Variants in ARHGEF1 observed in about 807,000 individuals in gnomAD.
ARHGEF1 encodes Rho guanine nucleotide exchange factor 1, also known as 115 kDa guanine nucleotide exchange factor.
A neutral mutation model predicts 119.7 loss-of-function variants in ARHGEF1; 40 were observed. The ratio of observed to expected loss-of-function variants is 0.33; its 90% CI spans 0.26 to 0.44. The LOEUF is 0.44. Among genes scored for constraint, ARHGEF1 ranks in the 20% least tolerant of loss-of-function variants. ARHGEF1 has a pLI of 1.00. For missense variants in ARHGEF1, 976 were observed against 1,268.3 expected, an observed-to-expected ratio of 0.77 and a Z score of 3.50; for synonymous variants, 494 against 521.0, an observed-to-expected ratio of 0.95 and a Z score of 0.71.
downstream of ARHGEF1, chr19:41,908,911 T>A (rs1555850986): frequency 2.0e-6 from 1 of 497,180 alleles, no homozygotes; most frequent in Non-Finnish European, 3.1e-6. The surrounding 1 kb of genome is among the most constrained non-coding windows in gnomAD (Gnocchi z 6.7). Context: ...TCACATCACA[T>A]CCTTTTCTGG....
chr19:41,903,833 G>A lies in ARHGEF1; in HGVS notation c.1917+49G>A. The stretch of plus-strand genomic sequence containing the variant: ...CCCCGCCCCCCTACTCCTTGGCCCA[G>A]GGGATTCTGTGATACAGCCCCCAGC... On this transcript the variant is annotated intron_variant, in intron 20 of 28. Coordinates refer to ENST00000354532, the MANE Select transcript of ARHGEF1 (RefSeq NM_004706.4). This position sits in a 1 kb window ranked among gnomAD's most constrained non-coding sequence, Gnocchi z 4.2. 1 of 1,591,816 alleles carries A rather than the reference G, an allele frequency of 6.3e-7. No individual in the cohort carries two copies. The highest frequency in any genetic ancestry group is 8.6e-7 in the Non-Finnish European group (1 of 1,163,016).
chr19:41,896,795 C>T (rs1555847794), intron 13 of ARHGEF1: 1 of 475,580 alleles, frequency 2.1e-6, no homozygotes, highest in African/African-American at 2.3e-5. Flanking sequence ...TTTCCCCCTC[C>T]TCTCTCACCT....
At chr19:41,927,276 C>T (rs950537852) in intron 1 of ARHGEF1, among the ~76,000 whole-genome samples, 4 of 152,122 alleles carry the variant, frequency 2.6e-5, no homozygotes, top group African/African-American at 9.7e-5. Context: ...AGGGCCCCGG[C>T]CCCACGAAGG....
chr19:41,915,188 G>A (rs969703600), intron 18 of ARHGEF1, among the ~76,000 whole-genome samples: 34 of 107,392 alleles, frequency 3.2e-4, no homozygotes, highest in Non-Finnish European at 8.7e-5. Context: ...TTCTCTTCCC[G>A]ACGCTTTCAA....
At chr19:41,895,731 C>A (rs889422851) in intron 12 of ARHGEF1, among the ~76,000 whole-genome samples, 1 of 152,128 alleles carries the variant, frequency 6.6e-6, no homozygotes, top group South Asian at 2.1e-4. Flanking sequence ...TCTCCCACCC[C>A]CTTGGACTAC....
In ARHGEF1 at chr19:41,903,646, G is replaced by A; in HGVS notation, c.1840-61G>A. The A allele has an allele frequency of 6.4e-7, 1 of 1,553,884 alleles. No individual in the cohort carries two copies. The highest frequency in any genetic ancestry group is 1.4e-5 in the African/African-American group (1 of 73,842). On this transcript the variant is annotated intron_variant, in intron 19 of 28. Coordinates refer to ENST00000354532, the MANE Select transcript of ARHGEF1 (RefSeq NM_004706.4). This position sits in a 1 kb window ranked among gnomAD's most constrained non-coding sequence, Gnocchi z 4.2. Reference sequence around the variant, plus strand: ...CTTGGCTCTCATCTTACCAATGTGGGTCACTGCAGGTCAGCCCCAGCACTT... The same window carrying A: ...CTTGGCTCTCATCTTACCAATGTGGATCACTGCAGGTCAGCCCCAGCACTT...
rs1162689075 is a variant in ARHGEF1, at chr19:41,917,455, C to T, written c.1866-5637C>T. On this transcript the variant is annotated intron_variant, in intron 18 of 20. Coordinates refer to the ARHGEF1 transcript ENST00000599589. The surrounding 1 kb of genome is among the most constrained non-coding windows in gnomAD (Gnocchi z 4.8). ...TCGGGCCTCGCACCCCCACCACCAG[C>T]CCCTTCATCCCTCACCCAGGCCCCC... Among the ~76,000 whole-genome samples, 7 of 149,346 alleles carry T rather than the reference C, an allele frequency of 4.7e-5. No homozygotes were observed. The highest frequency in any genetic ancestry group is 7.4e-5 in the African/African-American group (3 of 40,744).
At chr19:41,897,352 G>A (rs936908542) in intron 13 of ARHGEF1, 2 of 1,250,532 alleles carry the variant, frequency 1.6e-6, no homozygotes, top group East Asian at 6.3e-5. Flanking sequence ...CTGGGTGGGG[G>A]AAGGGCTAGC....
downstream of ARHGEF1, chr19:41,909,220 C>G (rs2074738742): frequency 8.1e-7 from 1 of 1,231,438 alleles, no homozygotes; most frequent in Admixed American, 4.2e-5. This position sits in a 1 kb window ranked among gnomAD's most constrained non-coding sequence, Gnocchi z 5.2. Flanking sequence ...AGACTGTCCC[C>G]TCCCCAGAGT....
chr19:41,907,439 A>G lies in ARHGEF1; in HGVS notation c.*352A>G. ...ATTGGAGGTTTATTTTTTAATATATATTATCTAAGAAGAGATCTGTGTGTG... is the reference window on the plus strand; with the variant it reads ...ATTGGAGGTTTATTTTTTAATATATGTTATCTAAGAAGAGATCTGTGTGTG... On this transcript the variant is annotated 3_prime_UTR_variant, in exon 29 of 29. Coordinates refer to ENST00000354532, the MANE Select transcript of ARHGEF1 (RefSeq NM_004706.4). The G allele has an allele frequency of 1.3e-6, 2 of 1,518,352 alleles. No homozygotes were observed. Among genetic ancestry groups the G allele is most frequent in the Non-Finnish European group, 1.8e-6 (2 of 1,137,660 alleles). 94.1% of individuals were successfully genotyped at this position (1,518,352 alleles called of 1,614,324 possible). A position where few individuals can be genotyped will look rare whatever the true frequency, so the allele number is the denominator to read the frequency against.
At chr19:41,921,082 AGCCGCAGT>A (rs376215389), upstream of ARHGEF1, among the ~76,000 whole-genome samples, 7 of 151,746 alleles carry the variant, frequency 4.6e-5, 1 homozygote, top group African/African-American at 1.7e-4. The surrounding 1 kb of genome is among the most constrained non-coding windows in gnomAD (Gnocchi z 4.4). Context: ...GGGAGGTGGG[AGCCGCAGT>A]GCCACGCACC....
chr19:41,888,330 C>T lies in ARHGEF1; in HGVS notation c.111+52C>T, dbSNP rs781802153. ...TCTGTCCCAGGCTCAGTGTCCCGCC[C>T]CAGGTCCCCTCCCACCTGCAGATGC... On this transcript the variant is annotated intron_variant, in intron 3 of 28. Transcript: ENST00000354532. The surrounding 1 kb of genome is among the most constrained non-coding windows in gnomAD (Gnocchi z 5.1). 2.5e-6 allele frequency: 4 copies of T among 1,568,864 alleles called. No homozygotes were observed. The Admixed American group carries it at 5.0e-5, about 20-fold the overall frequency.
At chr19:41,915,240 TGG>T (rs2074793637) in intron 18 of ARHGEF1, among the ~76,000 whole-genome samples, 1 of 147,944 alleles carries the variant, frequency 6.8e-6, no homozygotes, top group Non-Finnish European at 1.5e-5. Flanking sequence ...CGAGGAGCCG[TGG>T]GATCGGCGCT....
downstream of ARHGEF1, chr19:41,909,213 C>G: frequency 1.6e-6 from 2 of 1,231,204 alleles, no homozygotes; most frequent in Non-Finnish European, 2.0e-6. The surrounding 1 kb of genome is among the most constrained non-coding windows in gnomAD (Gnocchi z 5.2). Flanking sequence ...CCTTCTCAGA[C>G]TGTCCCCTCC....
At chr19:41,911,248 G>C (rs1555851221), downstream of ARHGEF1, among the ~76,000 whole-genome samples, 1 of 152,196 alleles carries the variant, frequency 6.6e-6, no homozygotes, top group East Asian at 1.9e-4. Context: ...CTCCCATGCA[G>C]AAGGCCCCAA....
At position 41,887,886 on chromosome 19, in the gene ARHGEF1, G is replaced by A. The variant is rs41309437; in HGVS notation, c.-19-178G>A. On this transcript the variant is annotated intron_variant, in intron 1 of 28. Transcript: ENST00000354532. The stretch of plus-strand genomic sequence containing the variant: ...GCAAGGCTCCCGTCCCTGGGCTCCC[G>A]CCCCCTGGCGGGTCTCTGAAGGGCT... Among the ~76,000 whole-genome samples, 873 of 152,296 alleles carry A rather than the reference G, an allele frequency of 5.7e-3. 3 individuals are homozygous for A. Among genetic ancestry groups the A allele is most frequent in the Non-Finnish European group, 0.01 (693 of 68,004 alleles).
At chr19:41,895,594 C>T (rs562268367) in intron 12 of ARHGEF1, 108 bp downstream of exon 12, 14 of 1,234,646 alleles carry the variant, frequency 1.1e-5, no homozygotes, top group African/African-American at 4.5e-5. Flanking sequence ...GCAACACCTC[C>T]CCTTTGCTCT....
intron 1 of ARHGEF1, among the ~76,000 whole-genome samples, chr19:41,885,379 G>T (rs1326672401): frequency 1.3e-5 from 2 of 152,192 alleles, no homozygotes; most frequent in Non-Finnish European, 2.9e-5. Context: ...TCAGAGCTTT[G>T]GTTCAGATTT....
intron 14 of ARHGEF1, chr19:41,901,049 A>G: frequency 6.6e-6 from 1 of 151,638 alleles, no homozygotes; most frequent in East Asian, 1.9e-4. Flanking sequence ...TAAGCCTCCC[A>G]AATTGCTGGG....
Sources: gnomAD v4.1 joint callset for allele counts (sites outside exome capture counted in the v4.1 genomes callset) on GRCh38, gnomAD v4.1.1 for gene constraint, Gnocchi (gnomAD v3.1) non-coding constraint, MANE v1.5 for transcripts, NCBI Gene and HGNC (gene_info 2026-07-23, HGNC 2026-07-21) for gene names.